The following PCDHA5 variants were observed in gnomAD, a reference collection of about 807,000 sequenced individuals.
PCDHA5 encodes the protein protocadherin alpha-5.
Under a neutral mutation model 61.6 loss-of-function variants are expected in PCDHA5, and 43 were observed. That is an observed-to-expected ratio of 0.70 (90% CI 0.55 to 0.90). The LOEUF (loss-of-function observed/expected upper bound fraction) is 0.90, where lower values mean the gene tolerates loss of function less well. Among genes scored for constraint, PCDHA5 ranks in the 40% least tolerant of loss-of-function variants. PCDHA5 has a pLI of 0.00. For missense variants in PCDHA5, 1,298 were observed against 1,222.7 expected, an observed-to-expected ratio of 1.06 and a Z score of -0.92; for synonymous variants, 627 against 543.9, an observed-to-expected ratio of 1.15 and a Z score of -2.13.
chr5:140,921,932 TAATTTTACACTTGTAA>T (rs781950121), intron 1 of PCDHA5, among the ~76,000 whole-genome samples: 10 of 152,080 alleles, frequency 6.6e-5, no homozygotes, highest in Non-Finnish European at 1.5e-4. Flanking sequence ...ATAGTCAATA[TAATTTTACACTTGTAA>T]AATCCCAGAA....
At chr5:140,991,590 G>A (rs1211923014) in intron 3 of PCDHA5, among the ~76,000 whole-genome samples, 2 of 152,098 alleles carry the variant, frequency 1.3e-5, no homozygotes, top group Non-Finnish European at 2.9e-5. Context: ...ATTTCTACCT[G>A]AGCCCTCACT....
At chr5:140,857,325 C>G (rs200630375) in intron 1 of PCDHA5, 2 of 1,598,630 alleles carry the variant, frequency 1.3e-6, no homozygotes, top group African/African-American at 1.3e-5. Flanking sequence ...GTGGTGACCG[C>G]GCGGGACGGG....
chr5:140,833,681 C>T (rs1401831126), intron 1 of PCDHA5, among the ~76,000 whole-genome samples: 1 of 152,082 alleles, frequency 6.6e-6, no homozygotes, highest in African/African-American at 2.4e-5. Flanking sequence ...TTCCCCAAAC[C>T]TTCTCTTATT....
intron 3 of PCDHA5, among the ~76,000 whole-genome samples, chr5:140,990,715 A>T (rs927680875): frequency 1.3e-5 from 2 of 152,194 alleles, no homozygotes; most frequent in Admixed American, 6.5e-5. Flanking sequence ...GGATAAGAGC[A>T]TCACTAGGTA....
At chr5:140,931,970 G>A (rs2087909153) in intron 1 of PCDHA5, among the ~76,000 whole-genome samples, 1 of 151,866 alleles carries the variant, frequency 6.6e-6, no homozygotes, top group Non-Finnish European at 1.5e-5. Flanking sequence ...TGATGCATAT[G>A]TGTTTATATT....
At chr5:140,939,894 T>A (rs1554213013) in intron 1 of PCDHA5, among the ~76,000 whole-genome samples, 1 of 152,220 alleles carries the variant, frequency 6.6e-6, no homozygotes, top group African/African-American at 2.4e-5. Flanking sequence ...TGTTCAAATA[T>A]TCTGCATTCT....
At chr5:140,833,888 A>G (rs1308828787) in intron 1 of PCDHA5, among the ~76,000 whole-genome samples, 1 of 152,208 alleles carries the variant, frequency 6.6e-6, no homozygotes, top group Non-Finnish European at 1.5e-5. Context: ...CCTGGGATCT[A>G]GATCAAAGGA....
At chr5:140,834,657 C>T (rs2150223587) in intron 1 of PCDHA5, 4 of 1,614,136 alleles carry the variant, frequency 2.5e-6, no homozygotes, top group South Asian at 1.1e-5. Context: ...TCGGATCGAC[C>T]GCGAGGAGCT....
chr5:140,848,559 G>C, intron 1 of PCDHA5: 1 of 1,595,568 alleles, frequency 6.3e-7, no homozygotes, highest in Non-Finnish European at 8.6e-7. Context: ...TCTGATCCTC[G>C]CAATGTGGGT....
intron 1 of PCDHA5, among the ~76,000 whole-genome samples, chr5:140,974,301 A>G (rs2096621600): frequency 6.6e-6 from 1 of 152,190 alleles, no homozygotes; most frequent in Non-Finnish European, 1.5e-5. Context: ...AGGAGGTACA[A>G]CTGTGAGTGA....
At chr5:140,929,258 T>C (rs1288767035) in intron 1 of PCDHA5, 2 of 1,612,832 alleles carry the variant, frequency 1.2e-6, no homozygotes, top group Non-Finnish European at 1.7e-6. Flanking sequence ...GGGGTAGGAC[T>C]GAATTTGCCA....
intron 1 of PCDHA5, chr5:140,866,767 G>C (rs913136809): frequency 1.3e-5 from 2 of 152,154 alleles, no homozygotes; most frequent in East Asian, 1.9e-4. Context: ...CATACAGGCA[G>C]ATTGTATGTC....
chr5:140,876,984 G>C (rs2056761931), intron 1 of PCDHA5: 9 of 1,612,672 alleles, frequency 5.6e-6, no homozygotes, highest in African/African-American at 1.3e-5. Flanking sequence ...AGCACGCACT[G>C]TCGAGCTACG....
At chr5:140,969,775 G>A (rs879968185) in intron 1 of PCDHA5, among the ~76,000 whole-genome samples, 9 of 152,174 alleles carry the variant, frequency 5.9e-5, no homozygotes, top group Admixed American at 5.9e-4. Flanking sequence ...GCCTCTAGGG[G>A]CTATCATAGT....
At chr5:140,871,703 A>G (rs1202166124) in intron 1 of PCDHA5, 9 of 879,148 alleles carry the variant, frequency 1.0e-5, no homozygotes, top group African/African-American at 1.7e-5. Context: ...TTTAACCAAT[A>G]AATGTCCTAT....
At chr5:140,879,268 A>G (rs1289844412) in intron 1 of PCDHA5, among the ~76,000 whole-genome samples, 1 of 152,268 alleles carries the variant, frequency 6.6e-6, no homozygotes, top group East Asian at 1.9e-4. Flanking sequence ...CCAGATAATG[A>G]CAGACTCAAT....
intron 1 of PCDHA5, chr5:140,834,232 T>C: frequency 1.3e-6 from 1 of 753,154 alleles, no homozygotes; most frequent in African/African-American, 1.7e-5. Flanking sequence ...AAGGAAGTCA[T>C]TCCTTTTCGC....
rs2098414886 is a variant in PCDHA5, at chr5:141,009,848, A to T, written c.2722A>T (p.Thr908Ser). 7 of 1,614,012 alleles carry T rather than the reference A, an allele frequency of 4.3e-6. No homozygotes were observed. Among genetic ancestry groups the T allele is most frequent in the Non-Finnish European group, 5.1e-6 (6 of 1,180,014 alleles). ...DFITFGKKEE[T>S]KKKKKKKKGN... ...CATAACCTTCGGCAAAAAGGAGGAGACCAAGAAAAAGAAGAAAAAGAAGAA... is the reference window on the plus strand; with the variant it reads ...CATAACCTTCGGCAAAAAGGAGGAGTCCAAGAAAAAGAAGAAAAAGAAGAA... The change falls in exon 4 of 4, where the codon ACC becomes TCC. Residue 908 changes from threonine (T) to serine (S), a missense_variant. Thr to Ser is a moderately conservative substitution (Grantham distance 58). Transcript: ENST00000529859.
chr5:140,967,682 C>G, intron 1 of PCDHA5: 2 of 1,614,176 alleles, frequency 1.2e-6, no homozygotes, highest in South Asian at 2.2e-5. Context: ...CCGGGAGAGG[C>G]AGCTCTTCAG....
Sources: allele counts gnomAD v4.1 joint callset (sites outside exome capture counted in the v4.1 genomes callset), GRCh38; gene constraint gnomAD v4.1.1; transcripts MANE v1.5; gene names NCBI Gene and HGNC (gene_info 2026-07-23, HGNC 2026-07-21).